The following DGKB variants were observed in gnomAD, a reference collection of about 807,000 sequenced individuals.
DGKB encodes the protein diacylglycerol kinase beta.
A neutral mutation model predicts 114.3 loss-of-function variants in DGKB; 67 were observed. The ratio of observed to expected loss-of-function variants is 0.59; its 90% CI spans 0.48 to 0.72. DGKB has a LOEUF of 0.72. Ranked by LOEUF, DGKB falls within the 30% of genes least tolerant of loss-of-function variation. The pLI, the probability that DGKB is intolerant of heterozygous loss-of-function variation, is 0.00. For missense variants in DGKB, 907 were observed against 975.2 expected (o/e 0.93, Z 0.93); for synonymous variants, 398 against 323.1 (o/e 1.23, Z -2.49).
chr7:14,343,238 G>A (rs1177123682), intron 22 of DGKB, among the ~76,000 whole-genome samples: 2 of 149,258 alleles, frequency 1.3e-5, no homozygotes, highest in East Asian at 2.0e-4. Flanking sequence ...TGCACACAGT[G>A]CTGGCTGTGA....
intron 13 of DGKB, among the ~76,000 whole-genome samples, chr7:14,631,597 T>A (rs187510591): frequency 9.9e-5 from 15 of 152,178 alleles, no homozygotes; most frequent in African/African-American, 3.1e-4. Flanking sequence ...GTTTTGAAGA[T>A]GAATTGACAG....
chr7:14,320,030 CACTGCTGGA>C (rs1230532529), intron 23 of DGKB, among the ~76,000 whole-genome samples: 2 of 152,184 alleles, frequency 1.3e-5, no homozygotes. Context: ...CCAAAAGCAG[CACTGCTGGA>C]ATAGCAGCCC....
intron 21 of DGKB, among the ~76,000 whole-genome samples, chr7:14,370,394 G>A (rs555095309): frequency 6.6e-6 from 1 of 152,276 alleles, no homozygotes; most frequent in Admixed American, 6.5e-5. Flanking sequence ...GCTTAGAATT[G>A]TCTGGGCTAT....
chr7:14,701,818 T>C, intron 6 of DGKB, 88 bp from the exon 7 acceptor site: 1 of 901,950 alleles, frequency 1.1e-6, no homozygotes, highest in Non-Finnish European at 1.8e-6. Flanking sequence ...TTAGTTTGTG[T>C]TGAAAACAAA....
At chr7:14,390,271 C>G (rs894806493) in intron 21 of DGKB, among the ~76,000 whole-genome samples, 1 of 152,138 alleles carries the variant, frequency 6.6e-6, no homozygotes, top group Admixed American at 6.5e-5. Context: ...CCTGATGTAG[C>G]AAACCAACAT....
chr7:14,894,802 G>A (rs1219614973), intron 1 of DGKB, among the ~76,000 whole-genome samples: 1 of 151,530 alleles, frequency 6.6e-6, no homozygotes, highest in African/African-American at 2.4e-5. Context: ...TGGTCTAGTA[G>A]TTTGGATAGA....
At chr7:14,417,398 C>G (rs1252375554) in intron 21 of DGKB, among the ~76,000 whole-genome samples, 1 of 151,948 alleles carries the variant, frequency 6.6e-6, no homozygotes, top group African/African-American at 2.4e-5. Flanking sequence ...TATCCTGGCT[C>G]AGTGAACTAA....
chr7:14,682,105 T>C (rs1332617114), intron 12 of DGKB, among the ~76,000 whole-genome samples: 1 of 152,122 alleles, frequency 6.6e-6, no homozygotes, highest in East Asian at 1.9e-4. Context: ...AAGCTCATTG[T>C]TCATTTTTCT....
At chr7:14,471,638 C>T (rs1019702924) in intron 21 of DGKB, among the ~76,000 whole-genome samples, 2 of 151,308 alleles carry the variant, frequency 1.3e-5, no homozygotes, top group Non-Finnish European at 3.0e-5. Context: ...AGGTTATGTA[C>T]GTAAAGGCTG....
intron 9 of DGKB, among the ~76,000 whole-genome samples, chr7:14,686,573 G>A (rs1318227808): frequency 1.3e-5 from 2 of 152,038 alleles, no homozygotes; most frequent in Non-Finnish European, 2.9e-5. Context: ...TGGTAGTGAG[G>A]CAATATAAAT....
At chr7:14,466,660 A>ACC (rs1563245931) in intron 21 of DGKB, among the ~76,000 whole-genome samples, 31 of 148,914 alleles carry the variant, frequency 2.1e-4, no homozygotes, top group African/African-American at 6.2e-4. Context: ...AAAAAAAAAA[A>ACC]CACAAAAATT....
chr7:14,808,902 G>A (rs1024794309), intron 2 of DGKB, among the ~76,000 whole-genome samples: 1 of 152,036 alleles, frequency 6.6e-6, no homozygotes, highest in Admixed American at 6.6e-5. Flanking sequence ...GACAACTAAG[G>A]TACAGCTCTA....
chr7:14,537,366 T>C (rs1792675426), intron 20 of DGKB, among the ~76,000 whole-genome samples: 1 of 152,016 alleles, frequency 6.6e-6, no homozygotes, highest in African/African-American at 2.4e-5. Flanking sequence ...GCCAGAGCAA[T>C]TTTGAACAAA....
rs141880677 is a variant in DGKB, at chr7:14,291,137, C to T, written c.2122+47378G>A. Among the ~76,000 whole-genome samples, 126 of 77,694 alleles carry T rather than the reference C, an allele frequency of 1.6e-3. 3 individuals carry two copies. In the East Asian group the frequency reaches 0.034, roughly 21 times the overall value. The allele number at this position is 77,694 out of a possible 152,430, so 51.0% of individuals were successfully genotyped here. On this transcript the variant is annotated intron_variant, in intron 23 of 25. Coordinates refer to ENST00000402815, the MANE Select transcript of DGKB (RefSeq NM_001350709.2). ...AGCCTATGCAACAAAAGCAAAACTC[C>T]GTCTCAAAAAAAAAAAAAAAAAAAA... is the stretch of plus-strand genomic sequence containing the variant.
intron 21 of DGKB, among the ~76,000 whole-genome samples, chr7:14,400,365 C>T (rs1822915579): frequency 6.6e-6 from 1 of 151,798 alleles, no homozygotes; most frequent in Non-Finnish European, 1.5e-5. Flanking sequence ...GTCTCTTCTG[C>T]TGTTTCTACA....
At chr7:14,240,831 C>T (rs1793529984) in intron 23 of DGKB, among the ~76,000 whole-genome samples, 1 of 152,004 alleles carries the variant, frequency 6.6e-6, no homozygotes, top group Non-Finnish European at 1.5e-5. Context: ...ATAAAAGTTG[C>T]TATTAAAATA....
At chr7:14,426,547 GC>G (rs1827558551) in intron 21 of DGKB, among the ~76,000 whole-genome samples, 1 of 152,104 alleles carries the variant, frequency 6.6e-6, no homozygotes, top group Non-Finnish European at 1.5e-5. Context: ...GACTAAAACA[GC>G]TTTAATGCTG....
intron 23 of DGKB, among the ~76,000 whole-genome samples, chr7:14,325,110 T>G (rs983494540): frequency 1.3e-5 from 2 of 152,176 alleles, no homozygotes; most frequent in African/African-American, 4.8e-5. Context: ...GTCATTAATT[T>G]CTTAGTCAGC....
intron 1 of DGKB, among the ~76,000 whole-genome samples, chr7:14,951,690 A>G (rs1786207847): frequency 6.6e-6 from 1 of 152,048 alleles, no homozygotes; most frequent in Non-Finnish European, 1.5e-5. Flanking sequence ...ATATTAGCTC[A>G]TCAATTATAA....
Sources: allele counts gnomAD v4.1 joint callset (sites outside exome capture counted in the v4.1 genomes callset), GRCh38; gene constraint gnomAD v4.1.1; transcripts MANE v1.5; gene names NCBI Gene and HGNC (gene_info 2026-07-23, HGNC 2026-07-21).